DLG1: variants seen among roughly 807,000 people sequenced by gnomAD.
DLG1 encodes the protein discs large MAGUK scaffold protein 1.
Under a neutral mutation model 123.4 loss-of-function variants are expected in DLG1, and 42 were observed. The ratio of observed to expected loss-of-function variants is 0.34; its 90% CI spans 0.27 to 0.44. The LOEUF is 0.44. Among genes scored for constraint, DLG1 ranks in the 20% least tolerant of loss-of-function variants. The probability of loss-of-function intolerance (pLI) is 1.00; values close to 1 mark genes in which losing one functional copy is unlikely to be tolerated. For synonymous variants in DLG1, 317 were observed against 356.2 expected (o/e 0.89, Z 1.24); for missense variants, 942 against 1,082.6 (o/e 0.87, Z 1.82).
chr3:197,231,706 A>ACC (rs1554034960), intron 4 of DLG1, among the ~76,000 whole-genome samples: 1 of 150,914 alleles, frequency 6.6e-6, no homozygotes, highest in Admixed American at 6.6e-5. Context: ...TTAAAAAAAA[A>ACC]AAAACAACAA....
At chr3:197,207,403 A>G (rs1213913701) in intron 4 of DLG1, among the ~76,000 whole-genome samples, 1 of 152,258 alleles carries the variant, frequency 6.6e-6, no homozygotes, top group Non-Finnish European at 1.5e-5. Context: ...TCTTGGCAGA[A>G]AGAATCAAGT....
At chr3:197,257,784 T>C (rs542184464) in intron 4 of DLG1, among the ~76,000 whole-genome samples, 1 of 152,286 alleles carries the variant, frequency 6.6e-6, no homozygotes, top group African/African-American at 2.4e-5. Flanking sequence ...ATTGCTAACA[T>C]AAGAAAATAT....
At chr3:197,067,784 T>C (rs776734362) in intron 19 of DLG1, among the ~76,000 whole-genome samples, 1 of 152,296 alleles carries the variant, frequency 6.6e-6, no homozygotes, top group South Asian at 2.1e-4. Context: ...CTCGAACTCC[T>C]GACCTCAGGT....
chr3:197,113,933 C>T (rs957932003), intron 13 of DLG1, among the ~76,000 whole-genome samples: 1 of 152,022 alleles, frequency 6.6e-6, no homozygotes, highest in Non-Finnish European at 1.5e-5. Flanking sequence ...TAATAGTGCT[C>T]TATGATTGTG....
chr3:197,225,597 A>G (rs1739457066), intron 4 of DLG1, among the ~76,000 whole-genome samples: 1 of 152,228 alleles, frequency 6.6e-6, no homozygotes, highest in African/African-American at 2.4e-5. Context: ...CAGTAGCAAC[A>G]CATAAAAACC....
At chr3:197,162,588 T>G (rs1205490777) in intron 5 of DLG1, among the ~76,000 whole-genome samples, 1 of 152,152 alleles carries the variant, frequency 6.6e-6, no homozygotes, top group Non-Finnish European at 1.5e-5. Flanking sequence ...CCTACCAAAT[T>G]AGTCAAATTA....
intron 13 of DLG1, among the ~76,000 whole-genome samples, chr3:197,112,236 ATCT>A (rs1770472761): frequency 6.6e-6 from 1 of 152,192 alleles, no homozygotes; most frequent in Non-Finnish European, 1.5e-5. Flanking sequence ...GGCATAATCA[ATCT>A]TCTTTAGTGT....
At chr3:197,105,688 C>A (rs990748878) in intron 13 of DLG1, among the ~76,000 whole-genome samples, 3 of 152,010 alleles carry the variant, frequency 2.0e-5, no homozygotes, top group Non-Finnish European at 4.4e-5. Context: ...CAAAGGTTAC[C>A]AATACTTTGC....
intron 1 of DLG1, chr3:197,298,216 G>A (rs1004243719): frequency 3.2e-6 from 1 of 310,650 alleles, no homozygotes; most frequent in Non-Finnish European, 5.9e-6. Flanking sequence ...GCCGAGCCCC[G>A]GGCTCCCCGC....
At chr3:197,175,764 A>G (rs573396027) in intron 5 of DLG1, among the ~76,000 whole-genome samples, 6 of 152,314 alleles carry the variant, frequency 3.9e-5, no homozygotes, top group African/African-American at 1.4e-4. Flanking sequence ...GGCTGACATT[A>G]AACAAAATCA....
chr3:197,076,540 C>T, intron 18 of DLG1, 46 bp downstream of exon 18: 5 of 1,460,344 alleles, frequency 3.4e-6, no homozygotes, highest in Non-Finnish European at 4.8e-6. Flanking sequence ...GGCAGTAGGT[C>T]CCTCTCCATT....
intron 16 of DLG1, among the ~76,000 whole-genome samples, chr3:197,084,852 A>T (rs748222): frequency 0.75 from 113,532 of 151,268 alleles, 42,760 homozygotes; most frequent in East Asian, 0.82. Context: ...AGTGGTGCAA[A>T]CTCAGGTCAC....
At chr3:197,071,398 ACT>A (rs1459130090) in intron 18 of DLG1, among the ~76,000 whole-genome samples, 3 of 132,890 alleles carry the variant, frequency 2.3e-5, no homozygotes, top group African/African-American at 8.5e-5. Context: ...AAATCTCTTC[ACT>A]GTCTTTTTTT....
chr3:197,105,044 T>C (rs773218234), intron 13 of DLG1, 39 bp from the exon 14 acceptor site: 4 of 1,336,970 alleles, frequency 3.0e-6, no homozygotes, highest in Non-Finnish European at 4.2e-6. Flanking sequence ...GAGAAAAGAA[T>C]CACTGTGATT....
chr3:197,282,632 T>A, intron 4 of DLG1, 47 bp downstream of exon 4: 1 of 1,299,580 alleles, frequency 7.7e-7, no homozygotes, highest in Non-Finnish European at 1.0e-6. Flanking sequence ...GTAACATAAA[T>A]AAATTGATCA....
rs1185746146 is a variant in DLG1 at position 197,104,703 on chromosome 3, C to CA, written c.1546+199dup. 3.8e-3 allele frequency among the ~76,000 whole-genome samples: 564 copies of CA among 148,348 alleles called. 2 individuals are homozygous for CA. The highest frequency in any genetic ancestry group is 0.027 in the East Asian group (138 of 5,054). On this transcript the variant is annotated intron_variant, in intron 14 of 24. Transcript: ENST00000667157. The stretch of plus-strand genomic sequence containing the variant: ...GTCTCAACAAACAAAAAACAAAAAC[C>CA]AAAAAAAACCAAAAAAACAAACAAC...
chr3:197,230,431 A>T (rs1742341709), intron 4 of DLG1, among the ~76,000 whole-genome samples: 1 of 152,208 alleles, frequency 6.6e-6, no homozygotes, highest in Admixed American at 6.5e-5. Context: ...ACTGGAGATC[A>T]AACAATATAG....
At chr3:197,225,258 C>T (rs1349473789) in intron 4 of DLG1, among the ~76,000 whole-genome samples, 1 of 152,174 alleles carries the variant, frequency 6.6e-6, no homozygotes, top group Admixed American at 6.5e-5. Flanking sequence ...TGCACCCGCT[C>T]TTTGTTCCAT....
At chr3:197,145,878 T>G (rs1208019269) in intron 6 of DLG1, among the ~76,000 whole-genome samples, 30 of 137,334 alleles carry the variant, frequency 2.2e-4, no homozygotes, top group African/African-American at 7.5e-4. Flanking sequence ...AGGGGTGGGG[T>G]AGGGTGGGGG....
Sources: gnomAD v4.1 joint callset for allele counts (sites outside exome capture counted in the v4.1 genomes callset) on GRCh38, gnomAD v4.1.1 for gene constraint, MANE v1.5 for transcripts, NCBI Gene and HGNC (gene_info 2026-07-23, HGNC 2026-07-21) for gene names.